The following LGALS8 variants were observed in gnomAD, a reference collection of about 807,000 sequenced individuals.
LGALS8 encodes the protein galectin-8.
In LGALS8, 30 loss-of-function variants were observed where a neutral mutation model predicts 35.9. The observed-to-expected ratio is 0.83, with a 90% CI of 0.62 to 1.13. The LOEUF is 1.13. Among genes scored for constraint, LGALS8 ranks in the 50% most tolerant of loss-of-function variants. The pLI is 0.00. For missense variants in LGALS8, 366 were observed against 388.7 expected, an observed-to-expected ratio of 0.94 and a Z score of 0.49; for synonymous variants, 138 against 136.1, an observed-to-expected ratio of 1.01 and a Z score of -0.10.
Position 236,548,118 on chromosome 1 carries a change from A to AAATT in LGALS8, c.915_918dup (p.Gly307Ter). 1 of 1,614,074 alleles carries AAATT rather than the reference A, an allele frequency of 6.2e-7. No individual in the cohort carries two copies. Among genetic ancestry groups the AAATT allele is most frequent in the Non-Finnish European group, 8.5e-7 (1 of 1,179,926 alleles). ...GAGCTCAGCAGTATTGACACGCTGGAAATTAATGGAGACATCCACTTACTG... is the reference window on the plus strand; with the variant it reads ...GAGCTCAGCAGTATTGACACGCTGGAAATTAATTAATGGAGACATCCACTTACTG... On this transcript the variant is annotated frameshift_variant, in exon 10 of 10. Transcript: ENST00000366584. LOFTEE classifies it high-confidence loss of function.
In LGALS8 at chr1:236,552,275, A is replaced by G. The variant is rs893111373; in HGVS notation, c.*4114A>G. 37 of 498,460 alleles carry G rather than the reference A, an allele frequency of 7.4e-5. No individual in the cohort carries two copies. The highest frequency in any genetic ancestry group is 5.9e-4 in the African/African-American group (30 of 50,790). The allele number at this position is 498,460 out of a possible 1,614,324, so 30.9% of individuals were successfully genotyped here. On this transcript the variant is annotated 3_prime_UTR_variant, in exon 10 of 10. Transcript: ENST00000366584. ...TTCATCTTAGAATACCAGTTTCACC[A>G]TTTGGGAGCTGTTTGTAATATGTGC...
upstream of LGALS8, chr1:236,518,625 A>G (rs1393544503): frequency 6.6e-6 from 1 of 152,208 alleles, no homozygotes; most frequent in Non-Finnish European, 1.5e-5. Context: ...ACAAATGTAT[A>G]ATCCATTGTG....
upstream of LGALS8, among the ~76,000 whole-genome samples, chr1:236,520,503 GT>G (rs1349594738): frequency 6.6e-6 from 1 of 151,846 alleles, no homozygotes; most frequent in Non-Finnish European, 1.5e-5. Flanking sequence ...TATAGTCATG[GT>G]TTCCACCAGT....
At chr1:236,532,475 G>C (rs1483963629) in intron 2 of LGALS8, among the ~76,000 whole-genome samples, 1 of 152,182 alleles carries the variant, frequency 6.6e-6, no homozygotes, top group East Asian at 1.9e-4. Context: ...AGTCTTAGCA[G>C]ATTTGCTCTC....
rs1016113864 is a variant in LGALS8 at position 236,523,989 on chromosome 1, C to A, written c.-176C>A. The A allele has an allele frequency of 5.1e-6, 2 of 391,520 alleles. No homozygotes were observed. Among genetic ancestry groups the A allele is most frequent in the South Asian group, 1.8e-5 (1 of 54,466 alleles). 24.3% of individuals were successfully genotyped at this position (391,520 alleles called of 1,614,324 possible). On this transcript the variant is annotated 5_prime_UTR_variant, in exon 1 of 10. Transcript: ENST00000366584. ...CCGTAGCCGCCCACGGACGCCAGAG[C>A]CGGGAACCCTGACGGCACTTAGCTG... is the stretch of plus-strand genomic sequence containing the variant.
chr1:236,540,496 T>C, intron 4 of LGALS8, 68 bp from the exon 5 acceptor site: 1 of 1,449,494 alleles, frequency 6.9e-7, no homozygotes. Flanking sequence ...TAAATTTGGA[T>C]AATAAGTTAA....
chr1:236,542,070 G>A (rs1486740499), intron 6 of LGALS8, among the ~76,000 whole-genome samples: 1 of 152,184 alleles, frequency 6.6e-6, no homozygotes, highest in Non-Finnish European at 1.5e-5. Flanking sequence ...ATTTAAAAAT[G>A]CGCTGTTATT....
At chr1:236,528,381 CA>C (rs71178325) in intron 2 of LGALS8, among the ~76,000 whole-genome samples, 33,268 of 79,894 alleles carry the variant, frequency 0.42, 4,073 homozygotes, top group South Asian at 0.61. Flanking sequence ...GACTCCATCT[CA>C]AAAAAAAAAA....
chr1:236,542,907 C>T (rs1662099913), intron 7 of LGALS8, 120 bp downstream of exon 7: 1 of 1,613,994 alleles, frequency 6.2e-7, no homozygotes, highest in Non-Finnish European at 8.5e-7. Context: ...AGAACTGTTT[C>T]CCTACAGCCT....
At position 236,548,931 on chromosome 1, in the gene LGALS8, T is replaced by A. The variant is rs1308592343; in HGVS notation, c.*770T>A. On this transcript the variant is annotated 3_prime_UTR_variant, in exon 10 of 10. Transcript: ENST00000366584. ...TGCCAAGCCCAAGGCAGCTGATTTC[T>A]GTGTATTTGAACTTAGGGCAAATCA... 2.5e-6 allele frequency: 1 copy of A among 398,542 alleles called. No homozygotes were observed. Among genetic ancestry groups the A allele is most frequent in the African/African-American group, 2.1e-5 (1 of 48,650 alleles). The allele number at this position is 398,542 out of a possible 1,614,324, so 24.7% of individuals were successfully genotyped here.
rs59258348 is a variant in LGALS8 at position 236,533,397 on chromosome 1, C to T, written c.46-4100C>T. Among the ~76,000 whole-genome samples, 8 of 151,918 alleles carry T rather than the reference C, an allele frequency of 5.3e-5. No homozygotes were observed. In the East Asian group the frequency reaches 5.8e-4, roughly 11 times the overall value. On this transcript the variant is annotated intron_variant, in intron 2 of 9. Coordinates refer to ENST00000366584, the MANE Select transcript of LGALS8 (RefSeq NM_201544.4). Reference sequence around the variant, plus strand: ...TTGCCCAGGCTGGAGTGCAATGGCCCGATCTCGGCTCATTGCAACCTCCGC... The same window carrying T: ...TTGCCCAGGCTGGAGTGCAATGGCCTGATCTCGGCTCATTGCAACCTCCGC...
intron 1 of LGALS8, chr1:236,524,717 T>TAA (rs1660718287): frequency 3.2e-6 from 1 of 311,426 alleles, no homozygotes; most frequent in African/African-American, 2.2e-5. Flanking sequence ...TTAAATTGGG[T>TAA]CACTGGCTTG....
intron 2 of LGALS8, among the ~76,000 whole-genome samples, chr1:236,535,940 G>A (rs975078816): frequency 2.5e-4 from 38 of 152,222 alleles, no homozygotes; most frequent in African/African-American, 8.9e-4. Context: ...TCACCATGCA[G>A]TTACCGATCG....
At position 236,552,015 on chromosome 1, in the gene LGALS8, T is replaced by C. The variant is rs1662768984; in HGVS notation, c.*3854T>C. 2.5e-6 allele frequency: 4 copies of C among 1,607,472 alleles called. No homozygotes were observed. Among genetic ancestry groups the C allele is most frequent in the East Asian group, 2.2e-5 (1 of 44,810 alleles). ...GGGAATTACCTTCCATCAACTCTGC[T>C]AAGAAAGGAATGGATTCTGGTAGCA... On this transcript the variant is annotated 3_prime_UTR_variant, in exon 10 of 10. Coordinates refer to ENST00000366584, the MANE Select transcript of LGALS8 (RefSeq NM_201544.4).
chr1:236,530,821 A>AT (rs1394798721), intron 2 of LGALS8, among the ~76,000 whole-genome samples: 2 of 152,212 alleles, frequency 1.3e-5, no homozygotes, highest in Admixed American at 1.3e-4. Flanking sequence ...TGTGCAAATC[A>AT]TTTTTTTAAA....
intron 9 of LGALS8, 67 bp downstream of exon 9, chr1:236,544,982 T>A: frequency 8.0e-7 from 1 of 1,246,998 alleles, no homozygotes; most frequent in South Asian, 1.5e-5. Flanking sequence ...GGATAAGTGG[T>A]CCATTTAAAT....
intron 4 of LGALS8, among the ~76,000 whole-genome samples, chr1:236,539,487 A>G (rs1661813627): frequency 6.8e-6 from 1 of 146,874 alleles, no homozygotes; most frequent in Non-Finnish European, 1.5e-5. Context: ...AAGTCTTGCC[A>G]CAAGACAGTT....
At chr1:236,521,576 C>T (rs551837363), upstream of LGALS8, among the ~76,000 whole-genome samples, 2 of 152,154 alleles carry the variant, frequency 1.3e-5, no homozygotes, top group Admixed American at 6.5e-5. Context: ...CACCTGCAAT[C>T]CCAGGTTACA....
chr1:236,551,798 CTT>C lies in LGALS8; in HGVS notation c.*3638_*3639del. 1.9e-6 allele frequency: 1 copy of C among 538,342 alleles called. No individual in the cohort carries two copies. Among genetic ancestry groups the C allele is most frequent in the South Asian group, 2.4e-5 (1 of 41,888 alleles). 33.3% of individuals were successfully genotyped at this position (538,342 alleles called of 1,614,324 possible). A position where few individuals can be genotyped will look rare whatever the true frequency, so the allele number is the denominator to read the frequency against. ...CTCTCAAATGATCAGGAGGTGGTCA[CTT>C]CGCAACTTGCTCCCTCCACCCAACT... On this transcript the variant is annotated 3_prime_UTR_variant, in exon 10 of 10. Coordinates refer to ENST00000366584, the MANE Select transcript of LGALS8 (RefSeq NM_201544.4).
Sources: gnomAD v4.1 joint callset for allele counts (sites outside exome capture counted in the v4.1 genomes callset) on GRCh38, gnomAD v4.1.1 for gene constraint, MANE v1.5 for transcripts, NCBI Gene and HGNC (gene_info 2026-07-23, HGNC 2026-07-21) for gene names.